Variants in BCO2 observed in about 807,000 individuals in gnomAD.
BCO2 encodes the protein beta-carotene oxygenase 2.
BCO2 carries 56 observed loss-of-function variants against 65.8 expected under a neutral mutation model. The ratio of observed to expected loss-of-function variants is 0.85; its 90% CI spans 0.69 to 1.06. The LOEUF (loss-of-function observed/expected upper bound fraction) is 1.06, where lower values mean the gene tolerates loss of function less well. Among genes scored for constraint, BCO2 ranks in the 50% least tolerant of loss-of-function variants. The pLI, the probability that BCO2 is intolerant of heterozygous loss-of-function variation, is 0.00. For missense variants in BCO2, 675 were observed against 698.5 expected, an observed-to-expected ratio of 0.97 and a Z score of 0.38; for synonymous variants, 233 against 242.3, an observed-to-expected ratio of 0.96 and a Z score of 0.36.
rs1402458836 is a variant in BCO2, at chr11:112,194,726, A to T, written c.707A>T (p.Tyr236Phe). 3 of 1,611,264 alleles carry T rather than the reference A, an allele frequency of 1.9e-6. No homozygotes were observed. The highest frequency in any genetic ancestry group is 2.5e-6 in the Non-Finnish European group (3 of 1,177,906). ...CATTATGACCTGGATGGAACAGCATACAATATGGGGAACTCCTTTGGGCCA... is the reference window on the plus strand; with the variant it reads ...CATTATGACCTGGATGGAACAGCATTCAATATGGGGAACTCCTTTGGGCCA... ...HPHYDLDGTA[Y>F]NMGNSFGPYG... is the part of the protein sequence containing the mutation. The change falls in exon 5 of 12, where the codon TAC becomes TTC. Residue 236 changes from tyrosine (Y) to phenylalanine (F), a missense_variant. Physicochemically the swap from Tyr to Phe is conservative, Grantham distance 22 (BLOSUM62 3). Transcript: ENST00000357685.
intron 2 of BCO2, among the ~76,000 whole-genome samples, chr11:112,189,915 T>C (rs2135362990): frequency 6.6e-6 from 1 of 152,322 alleles, no homozygotes; most frequent in South Asian, 2.1e-4. Flanking sequence ...GGAAGCATCA[T>C]ATTAATATCT....
intron 5 of BCO2, among the ~76,000 whole-genome samples, chr11:112,197,994 G>C (rs866996919): frequency 1.3e-5 from 2 of 152,170 alleles, no homozygotes; most frequent in Non-Finnish European, 2.9e-5. Context: ...CCCACTTAGT[G>C]AAGCTTTTCC....
chr11:112,188,273 G>T (rs956895442), intron 2 of BCO2, among the ~76,000 whole-genome samples: 5 of 152,210 alleles, frequency 3.3e-5, no homozygotes, highest in Non-Finnish European at 7.3e-5. Context: ...CTTTGTCGCT[G>T]TCTACATCCT....
chr11:112,194,834 T>G, intron 5 of BCO2, 79 bp downstream of exon 5: 1 of 963,486 alleles, frequency 1.0e-6, no homozygotes, highest in Non-Finnish European at 1.6e-6. Flanking sequence ...ACTACAGGTT[T>G]GTTTTTTACT....
At chr11:112,206,218 C>T (rs1424314576) in intron 8 of BCO2, among the ~76,000 whole-genome samples, 5 of 151,036 alleles carry the variant, frequency 3.3e-5, no homozygotes, top group African/African-American at 9.8e-5. Flanking sequence ...CAGGCAGAGG[C>T]GCTCCTCACT....
intron 8 of BCO2, among the ~76,000 whole-genome samples, chr11:112,210,658 G>A (rs865858319): frequency 6.6e-5 from 10 of 152,118 alleles, no homozygotes; most frequent in East Asian, 1.9e-4. Context: ...AAAAAGTAGC[G>A]TGAAGGATCC....
intron 2 of BCO2, among the ~76,000 whole-genome samples, chr11:112,180,554 G>C (rs1174016692): frequency 2.0e-5 from 3 of 152,162 alleles, no homozygotes; most frequent in African/African-American, 7.2e-5. Context: ...AAAAACCCAG[G>C]CAGGCTGAGG....
intron 5 of BCO2, among the ~76,000 whole-genome samples, chr11:112,196,957 C>CTTCCA (rs2135374929): frequency 7.1e-6 from 1 of 140,656 alleles, no homozygotes; most frequent in South Asian, 2.2e-4. Context: ...CTTCCCTTCC[C>CTTCCA]TTCCCTTCTT....
At chr11:112,182,602 C>G (rs559627293) in intron 2 of BCO2, among the ~76,000 whole-genome samples, 4 of 150,900 alleles carry the variant, frequency 2.7e-5, no homozygotes, top group Non-Finnish European at 5.9e-5. Flanking sequence ...ATTGCAAGGA[C>G]AGAAAACCAA....
chr11:112,211,352 A>ACACACACACACACACT lies in BCO2; in HGVS notation c.1195-2372_1195-2371insCACACACACACACACT, dbSNP rs147391427. Among the ~76,000 whole-genome samples, 119 of 148,978 alleles carry ACACACACACACACACT rather than the reference A, an allele frequency of 8.0e-4. 1 individual carries two copies. Among genetic ancestry groups the ACACACACACACACACT allele is most frequent in the Middle Eastern group, 3.4e-3 (1 of 294 alleles). Reference sequence around the variant, plus strand: ...CACACACACACACACACACACACACAATATTTGTTTATTCATCTGTTGATG... The same window carrying ACACACACACACACACT: ...CACACACACACACACACACACACACACACACACACACACACTATATTTGTTTATTCATCTGTTGATG... On this transcript the variant is annotated intron_variant, in intron 8 of 11. Transcript: ENST00000357685.
chr11:112,178,074 A>AT (rs11480780), intron 1 of BCO2, among the ~76,000 whole-genome samples: 19,604 of 141,648 alleles, frequency 0.14, 1,473 homozygotes, highest in East Asian at 0.4. Flanking sequence ...ACACCCGGCT[A>AT]TTTTTTTTTT....
At position 112,218,849 on chromosome 11, in the gene BCO2, C is replaced by T. The variant is rs1482044730; in HGVS notation, c.*975C>T. 6.6e-6 allele frequency: 1 copy of T among 152,168 alleles called. No individual in the cohort carries two copies. The highest frequency in any genetic ancestry group is 6.5e-5 in the Admixed American group (1 of 15,278). 9.4% of individuals were successfully genotyped at this position (152,168 alleles called of 1,614,324 possible). A position where few individuals can be genotyped will look rare whatever the true frequency, so the allele number is the denominator to read the frequency against. On this transcript the variant is annotated 3_prime_UTR_variant, in exon 12 of 12. Coordinates refer to ENST00000357685, the MANE Select transcript of BCO2 (RefSeq NM_031938.7). ...TGAAATAATTAAGAAAGTATTGATA[C>T]AACCTTTTGAAGAGGGTTTTAAATT...
chr11:112,217,624 G>A lies in BCO2; in HGVS notation c.1627-137G>A, dbSNP rs886259343. On this transcript the variant is annotated intron_variant, in intron 11 of 11. Coordinates refer to ENST00000357685, the MANE Select transcript of BCO2 (RefSeq NM_031938.7). Reference sequence around the variant, plus strand: ...AATCCACCCACCTCGGCCTCCCAAAGTGCTAGGATTACAGGTGTGAGCCAC... The same window carrying A: ...AATCCACCCACCTCGGCCTCCCAAAATGCTAGGATTACAGGTGTGAGCCAC... 4 of 605,280 alleles carry A rather than the reference G, an allele frequency of 6.6e-6. No individual in the cohort carries two copies. The African/African-American group carries it at 7.5e-5, about 11-fold the overall frequency. 37.5% of individuals were successfully genotyped at this position (605,280 alleles called of 1,614,324 possible).
At chr11:112,200,043 A>G (rs1867687089) in intron 6 of BCO2, among the ~76,000 whole-genome samples, 1 of 152,190 alleles carries the variant, frequency 6.6e-6, no homozygotes, top group African/African-American at 2.4e-5. Flanking sequence ...TAGTTGCTTT[A>G]GTATAAGCAA....
At chr11:112,209,152 C>CTA (rs1338052167) in intron 8 of BCO2, among the ~76,000 whole-genome samples, 8 of 152,200 alleles carry the variant, frequency 5.3e-5, no homozygotes, top group African/African-American at 1.9e-4. Context: ...TTGTACAGTT[C>CTA]TACCGGTTTT....
intron 2 of BCO2, chr11:112,182,994 C>T (rs1263539976): frequency 2.2e-5 from 24 of 1,066,764 alleles, no homozygotes; most frequent in Non-Finnish European, 3.4e-5. Flanking sequence ...AGGAATTAAC[C>T]TGAGGGTGGC....
At chr11:112,187,153 C>G (rs895427408) in intron 2 of BCO2, among the ~76,000 whole-genome samples, 4 of 152,148 alleles carry the variant, frequency 2.6e-5, no homozygotes, top group African/African-American at 9.7e-5. Context: ...TTTTTTCATT[C>G]CATCAAGTTC....
chr11:112,192,980 T>TTC (rs1555195018), intron 2 of BCO2, among the ~76,000 whole-genome samples: 2 of 20,788 alleles, frequency 9.6e-5, no homozygotes, highest in African/African-American at 1.8e-4. Flanking sequence ...AAATTATTCT[T>TTC]TTTTTTTTTT....
At chr11:112,187,792 G>A (rs1401095877) in intron 2 of BCO2, among the ~76,000 whole-genome samples, 1 of 151,686 alleles carries the variant, frequency 6.6e-6, no homozygotes, top group African/African-American at 2.4e-5. Flanking sequence ...ATGCTGTAGA[G>A]CCCAGGATTT....
Sources: gnomAD v4.1 joint callset for allele counts (sites outside exome capture counted in the v4.1 genomes callset) on GRCh38, gnomAD v4.1.1 for gene constraint, MANE v1.5 for transcripts, NCBI Gene and HGNC (gene_info 2026-07-23, HGNC 2026-07-21) for gene names.